The following PKIB variants were observed in gnomAD, a reference collection of about 807,000 sequenced individuals.
PKIB encodes PKI-beta.
In PKIB, 2 loss-of-function variants were observed where a neutral mutation model predicts 4.5. The ratio of observed to expected loss-of-function variants is 0.44; its 90% CI spans 0.18 to 1.39. The LOEUF is 1.39. PKIB is among the 40% of genes most tolerant of loss of function. The pLI is 0.27. For missense variants in PKIB, 94 were observed against 92.6 expected (o/e 1.02, Z -0.06); for synonymous variants, 38 against 36.0 (o/e 1.06, Z -0.20).
chr6:122,694,376 G>A (rs2115008563), intron 3 of PKIB, among the ~76,000 whole-genome samples: 1 of 152,200 alleles, frequency 6.6e-6, no homozygotes, highest in South Asian at 2.1e-4. Flanking sequence ...GGTTTAAATG[G>A]CATAAGATTA....
intron 2 of PKIB, among the ~76,000 whole-genome samples, chr6:122,542,146 G>A (rs965153552): frequency 2.6e-5 from 4 of 152,030 alleles, no homozygotes; most frequent in African/African-American, 9.7e-5. Flanking sequence ...CTGTAGCTCA[G>A]AGTAGTTTGA....
intron 2 of PKIB, among the ~76,000 whole-genome samples, chr6:122,649,978 G>A (rs1776484549): frequency 6.6e-6 from 1 of 152,148 alleles, no homozygotes; most frequent in African/African-American, 2.4e-5. Context: ...GCTTGGACTT[G>A]TTATAGAGCC....
At chr6:122,535,621 T>C (rs1223052455) in intron 2 of PKIB, among the ~76,000 whole-genome samples, 1 of 152,200 alleles carries the variant, frequency 6.6e-6, no homozygotes, top group Admixed American at 6.5e-5. Flanking sequence ...TTGCTGACTG[T>C]TGTTCTTTTC....
At chr6:122,565,135 C>G (rs998111890) in intron 2 of PKIB, among the ~76,000 whole-genome samples, 15 of 152,282 alleles carry the variant, frequency 9.9e-5, no homozygotes, top group Middle Eastern at 3.4e-3. Flanking sequence ...CCTCATATCT[C>G]TAGGTAGCAG....
chr6:122,502,687 G>C (rs895861046), intron 2 of PKIB, among the ~76,000 whole-genome samples: 9 of 151,996 alleles, frequency 5.9e-5, no homozygotes, highest in Non-Finnish European at 5.9e-5. Flanking sequence ...TGTTTGGTTG[G>C]GGACAAAGAG....
At chr6:122,668,812 A>T (rs1323868881) in intron 2 of PKIB, among the ~76,000 whole-genome samples, 2 of 152,200 alleles carry the variant, frequency 1.3e-5, no homozygotes, top group Non-Finnish European at 2.9e-5. Flanking sequence ...TATGTTGCCA[A>T]CTTTATTAAC....
At chr6:122,616,574 C>T (rs1453775579) in intron 1 of PKIB, among the ~76,000 whole-genome samples, 1 of 152,072 alleles carries the variant, frequency 6.6e-6, no homozygotes, top group African/African-American at 2.4e-5. Flanking sequence ...GTGGGAGAGG[C>T]TGTTAAGTAT....
At chr6:122,621,958 T>C (rs1775247935) in intron 1 of PKIB, among the ~76,000 whole-genome samples, 1 of 152,118 alleles carries the variant, frequency 6.6e-6, no homozygotes, top group African/African-American at 2.4e-5. Flanking sequence ...GACTCGGTGG[T>C]TGCCTTCTAA....
intron 3 of PKIB, among the ~76,000 whole-genome samples, chr6:122,686,988 A>T (rs1227913745): frequency 2.0e-5 from 3 of 151,918 alleles, no homozygotes; most frequent in Non-Finnish European, 4.4e-5. Flanking sequence ...CCATCTGTCC[A>T]TTTTTGCTTT....
intron 2 of PKIB, among the ~76,000 whole-genome samples, chr6:122,580,847 A>T (rs544932427): frequency 1.2e-4 from 19 of 152,288 alleles, no homozygotes; most frequent in Non-Finnish European, 2.2e-4. Flanking sequence ...ATTGCACTGA[A>T]TACCTTGTCT....
At chr6:122,558,098 C>T (rs1772900890) in intron 2 of PKIB, among the ~76,000 whole-genome samples, 1 of 152,098 alleles carries the variant, frequency 6.6e-6, no homozygotes, top group African/African-American at 2.4e-5. Context: ...CTTACTGAAG[C>T]AGAAAGGTGA....
intron 2 of PKIB, among the ~76,000 whole-genome samples, chr6:122,487,336 T>C (rs1321343405): frequency 6.6e-6 from 1 of 152,176 alleles, no homozygotes; most frequent in East Asian, 1.9e-4. Flanking sequence ...ATACCTCTTA[T>C]GTTTAGATTC....
At chr6:122,612,779 C>G (rs1774815598) in intron 1 of PKIB, among the ~76,000 whole-genome samples, 1 of 151,962 alleles carries the variant, frequency 6.6e-6, no homozygotes, top group Non-Finnish European at 1.5e-5. Flanking sequence ...TTGTGAGTAC[C>G]CGTTTTCATT....
chr6:122,502,129 G>C (rs1776258011), intron 2 of PKIB, among the ~76,000 whole-genome samples: 1 of 150,634 alleles, frequency 6.6e-6, no homozygotes, highest in Middle Eastern at 3.4e-3. Flanking sequence ...ATTTACACCT[G>C]GAATGTCTAT....
At chr6:122,631,273 A>G (rs1015957855) in intron 1 of PKIB, among the ~76,000 whole-genome samples, 6 of 152,204 alleles carry the variant, frequency 3.9e-5, no homozygotes, top group African/African-American at 1.4e-4. Context: ...AGTTATTTTA[A>G]TTAAATGGCA....
intron 3 of PKIB, among the ~76,000 whole-genome samples, chr6:122,681,550 A>G (rs1237392637): frequency 2.0e-5 from 3 of 152,200 alleles, no homozygotes; most frequent in African/African-American, 7.2e-5. Flanking sequence ...CTTTTGCTCA[A>G]TAAATGAAGA....
intron 2 of PKIB, among the ~76,000 whole-genome samples, chr6:122,509,315 C>T (rs763876509): frequency 2.1e-4 from 32 of 152,184 alleles, no homozygotes; most frequent in Admixed American, 8.5e-4. Context: ...TAACTTGTCA[C>T]GTAACTGAAT....
At chr6:122,646,369 A>C (rs953831398) in intron 2 of PKIB, among the ~76,000 whole-genome samples, 3 of 152,180 alleles carry the variant, frequency 2.0e-5, no homozygotes, top group Non-Finnish European at 2.9e-5. Flanking sequence ...CTAAGAAAAA[A>C]ATTGAATAGT....
In PKIB at chr6:122,701,647, A is replaced by T. The variant is rs142567639; in HGVS notation, c.-8-16140A>T. 19 of 921,528 alleles carry T rather than the reference A, an allele frequency of 2.1e-5. No individual in the cohort carries two copies. In the African/African-American group the frequency reaches 2.3e-4, roughly 11 times the overall value. The allele number at this position is 921,528 out of a possible 1,614,324, so 57.1% of individuals were successfully genotyped here. A position where few individuals can be genotyped will look rare whatever the true frequency, so the allele number is the denominator to read the frequency against. On this transcript the variant is annotated intron_variant, in intron 3 of 4. Transcript: ENST00000368452. ...TACCCTTGCCAAATAACTCAGAACC[A>T]AATAACCAAGGAACAGTTAATTTTA...
Sources: gnomAD v4.1 joint callset for allele counts (sites outside exome capture counted in the v4.1 genomes callset) on GRCh38, gnomAD v4.1.1 for gene constraint, MANE v1.5 for transcripts, NCBI Gene and HGNC (gene_info 2026-07-23, HGNC 2026-07-21) for gene names.